Variants in NBPF12 observed in about 807,000 individuals in gnomAD.
NBPF12 encodes the protein NBPF family member NBPF12.
In NBPF12, 115 loss-of-function variants were observed where a neutral mutation model predicts 146.4. The ratio of observed to expected loss-of-function variants is 0.79; its 90% confidence interval spans 0.68 to 0.92. The LOEUF is 0.92. Ranked by LOEUF, NBPF12 falls within the 40% of genes least tolerant of loss-of-function variation. The pLI, the probability that NBPF12 is intolerant of heterozygous loss-of-function variation, is 0.00. For missense variants in NBPF12, 1,205 were observed against 1,326.8 expected, an observed-to-expected ratio of 0.91 and a Z score of 1.43; for synonymous variants, 385 against 508.9, an observed-to-expected ratio of 0.76 and a Z score of 3.28.
intron 1 of NBPF12, among the ~76,000 whole-genome samples, chr1:146,950,414 G>T (rs1427030623): frequency 6.6e-6 from 1 of 152,022 alleles, no homozygotes; most frequent in East Asian, 1.9e-4. Flanking sequence ...CAACTACAGT[G>T]ATTCTAGTTC....
At chr1:146,963,769 G>A (rs1474949422) in intron 6 of NBPF12, among the ~76,000 whole-genome samples, 1 of 148,542 alleles carries the variant, frequency 6.7e-6, no homozygotes, top group African/African-American at 2.5e-5. Context: ...CCAAATATGG[G>A]AACACTTACG....
Position 146,992,601 on chromosome 1 carries a change from T to G in NBPF12, c.3849-111T>G, listed in dbSNP as rs1658272492. 16 of 715,472 alleles carry G rather than the reference T, an allele frequency of 2.2e-5. 3 individuals carry two copies. The highest frequency in any genetic ancestry group is 3.7e-4 in the Middle Eastern group (1 of 2,716). 44.3% of individuals were successfully genotyped at this position (715,472 alleles called of 1,614,324 possible). ...TAATTTGTTACCTCATTAATGGATC[T>G]ATCCTTTTACTTTTTTTAACCACTT... On this transcript the variant is annotated intron_variant, in intron 31 of 33. Coordinates refer to ENST00000617844, the Ensembl canonical transcript of NBPF12.
intron 2 of NBPF12, among the ~76,000 whole-genome samples, chr1:146,954,969 AATAT>A (rs1171967177): frequency 0.013 from 685 of 53,398 alleles, 15 homozygotes; most frequent in Non-Finnish European, 0.016. Context: ...CCAAATAGGG[AATAT>A]ATATATATAT....
intron 4 of NBPF12, among the ~76,000 whole-genome samples, chr1:146,961,207 G>A (rs1329255424): frequency 4.0e-5 from 6 of 151,840 alleles, no homozygotes; most frequent in Non-Finnish European, 5.9e-5. Flanking sequence ...GAGTACCTTG[G>A]TGAGAGTGAA....
Position 146,962,147 on chromosome 1 carries a change from T to A in NBPF12, c.176-14T>A, listed in dbSNP as rs1450228845. On this transcript the variant is annotated splice_polypyrimidine_tract_variant and intron_variant, in intron 4 of 33. Transcript: ENST00000617844. ...AGCCTTCCACTGAGGCAGGCGTGTCTGTCTTTTTCTCAGAGTATGAAGAGT... is the reference window on the plus strand; with the variant it reads ...AGCCTTCCACTGAGGCAGGCGTGTCAGTCTTTTTCTCAGAGTATGAAGAGT... 8 of 1,608,424 alleles carry A rather than the reference T, an allele frequency of 5.0e-6. No individual in the cohort carries two copies. In the Middle Eastern group the frequency reaches 1.1e-3, roughly 221 times the overall value.
At chr1:146,995,637 T>C (rs1276726302) in exon 34 of NBPF12, 1 of 150,474 alleles carries the variant, frequency 6.6e-6, no homozygotes, top group Non-Finnish European at 1.5e-5. Flanking sequence ...AATGTCTTCA[T>C]GATTAAATTC....
upstream of NBPF12, among the ~76,000 whole-genome samples, chr1:146,948,721 CG>C (rs1330168031): frequency 2.0e-5 from 3 of 151,722 alleles, no homozygotes; most frequent in Non-Finnish European, 4.4e-5. Flanking sequence ...TCCCCCAGCC[CG>C]ACACCCGTAA....
At chr1:146,954,887 A>C (rs1485086419) in intron 2 of NBPF12, among the ~76,000 whole-genome samples, 4 of 121,376 alleles carry the variant, frequency 3.3e-5, no homozygotes, top group Non-Finnish European at 5.1e-5. Flanking sequence ...ACACCCACAC[A>C]CACACACACA....
chr1:146,971,062 C>T, intron 12 of NBPF12, 121 bp from the exon 16 acceptor site: 1 of 1,513,234 alleles, frequency 6.6e-7, no homozygotes, highest in Non-Finnish European at 9.1e-7. Flanking sequence ...TAAAGGGAAC[C>T]TCCATTTTGC....
upstream of NBPF12, among the ~76,000 whole-genome samples, chr1:146,948,377 G>C (rs1291740766): frequency 6.6e-6 from 1 of 151,734 alleles, no homozygotes; most frequent in Non-Finnish European, 1.5e-5. Flanking sequence ...AGACATAAGA[G>C]ACTCCATTTT....
At position 146,962,140 on chromosome 1, in the gene NBPF12, G is replaced by A. The variant is rs1451822334; in HGVS notation, c.176-21G>A. On this transcript the variant is annotated intron_variant, in intron 4 of 33. Coordinates refer to ENST00000617844, the Ensembl canonical transcript of NBPF12. The stretch of plus-strand genomic sequence containing the variant: ...CATGTCCAGCCTTCCACTGAGGCAG[G>A]CGTGTCTGTCTTTTTCTCAGAGTAT... The A allele has an allele frequency of 2.5e-6, 4 of 1,607,538 alleles. No homozygotes were observed. In the African/African-American group the frequency reaches 4.0e-5, roughly 16 times the overall value.
At chr1:146,965,784 T>A (rs1345715504) in intron 8 of NBPF12, among the ~76,000 whole-genome samples, 660 of 50,840 alleles carry the variant, frequency 0.013, 5 homozygotes, top group Non-Finnish European at 0.018. Flanking sequence ...AGAGCGAGAC[T>A]GCATCTCAAA....
chr1:146,964,276 C>T, intron 6 of NBPF12, 81 bp from the exon 10 acceptor site: 1 of 1,582,380 alleles, frequency 6.3e-7, no homozygotes, highest in South Asian at 1.1e-5. Context: ...CATAGATGTT[C>T]ATGTCTCTGT....
chr1:146,947,432 GC>G (rs1655124709), upstream of NBPF12, among the ~76,000 whole-genome samples: 1 of 145,522 alleles, frequency 6.9e-6, no homozygotes, highest in East Asian at 2.0e-4. Context: ...AGTTTGTTCA[GC>G]TTTTTTCTAG....
chr1:146,967,809 C>T lies in NBPF12; in HGVS notation c.989-639C>T, dbSNP rs1553885820. ...GCTATTTCTTGTCAATCTCATAGAA[C>T]GTTTATTGGCACAGAGTAAACACTA... is the stretch of plus-strand genomic sequence containing the variant. On this transcript the variant is annotated intron_variant, in intron 9 of 33. Coordinates refer to ENST00000617844, the Ensembl canonical transcript of NBPF12. Among the ~76,000 whole-genome samples, 42 of 150,976 alleles carry T rather than the reference C, an allele frequency of 2.8e-4. 1 individual carries two copies. Among genetic ancestry groups the T allele is most frequent in the African/African-American group, 8.6e-4 (35 of 40,694 alleles).
chr1:146,962,390 A>T, intron 5 of NBPF12, 127 bp downstream of exon 8: 1 of 751,470 alleles, frequency 1.3e-6, no homozygotes. Flanking sequence ...TGGCAGGCTC[A>T]TGACACACAA....
At chr1:146,984,941 A>ACGTATTGGT (rs1657660200) in exon 22 of NBPF12, 3 of 1,520,262 alleles carry the variant, frequency 2.0e-6, no homozygotes, top group Non-Finnish European at 2.7e-6. Flanking sequence ...AGTGCCTTTT[A>ACGTATTGGT]CGTATTGGAG....
chr1:146,964,236 TGA>T, intron 6 of NBPF12, 119 bp from the exon 10 acceptor site: 1 of 1,466,666 alleles, frequency 6.8e-7, no homozygotes. Context: ...GGATAAAACA[TGA>T]GAGTTTTCAG....
chr1:146,975,026 GT>G lies in NBPF12; in HGVS notation c.1904+187del, dbSNP rs1384072587. Reference sequence around the variant, plus strand: ...GGATAATAAAAATTTATGGGTTGCAGTTGTTTCTCAGAGCCTTGTTTTCTCT... The same window carrying G: ...GGATAATAAAAATTTATGGGTTGCAGTGTTTCTCAGAGCCTTGTTTTCTCT... On this transcript the variant is annotated intron_variant, in intron 15 of 33. Coordinates refer to ENST00000617844, the Ensembl canonical transcript of NBPF12. 3.5e-5 allele frequency among the ~76,000 whole-genome samples: 4 copies of G among 115,058 alleles called. 1 individual carries two copies. Among genetic ancestry groups the G allele is most frequent in the Admixed American group, 2.1e-4 (2 of 9,698 alleles). The allele number at this position is 115,058 out of a possible 152,430, so 75.5% of individuals were successfully genotyped here. A position where few individuals can be genotyped will look rare whatever the true frequency, so the allele number is the denominator to read the frequency against.
Sources: gnomAD v4.1 joint callset for allele counts (sites outside exome capture counted in the v4.1 genomes callset) on GRCh38, gnomAD v4.1.1 for gene constraint, MANE v1.5 for transcripts, NCBI Gene and HGNC (gene_info 2026-07-23, HGNC 2026-07-21) for gene names.